The following PPP1R10 variants were observed in gnomAD, a reference collection of about 807,000 sequenced individuals.
The protein encoded by PPP1R10 is serine/threonine-protein phosphatase 1 regulatory subunit 10.
In PPP1R10, 15 loss-of-function variants were observed where a neutral mutation model predicts 99.0. That is an observed-to-expected ratio of 0.15 (90% CI 0.10 to 0.23). The LOEUF (loss-of-function observed/expected upper bound fraction) is 0.23. Ranked by LOEUF, PPP1R10 falls within the 10% of genes least tolerant of loss-of-function variation. The pLI is 1.00. For synonymous variants in PPP1R10, 430 were observed against 449.5 expected (o/e 0.96, Z 0.55); for missense variants, 947 against 1,259.4 (o/e 0.75, Z 3.75).
intron 6 of PPP1R10, among the ~76,000 whole-genome samples, chr6:30,607,315 T>C (rs1330539471): frequency 2.0e-5 from 3 of 152,206 alleles, no homozygotes; most frequent in African/African-American, 7.2e-5. Flanking sequence ...ACCTAATTGT[T>C]ACAACAATCT....
At position 30,606,082 on chromosome 6, in the gene PPP1R10, T is replaced by TG. The variant is rs1353118167; in HGVS notation, c.741-48dup. The stretch of plus-strand genomic sequence containing the variant: ...TCAACATCTCCGACTCACCCCCTCC[T>TG]GCTCCCTTGTGTCCACAGATCCACC... On this transcript the variant is annotated intron_variant, in intron 9 of 19. Transcript: ENST00000376511. The surrounding 1 kb of genome is among the most constrained non-coding windows in gnomAD (Gnocchi z 6.3). 1.2e-6 allele frequency: 2 copies of TG among 1,612,632 alleles called. No homozygotes were observed. Among genetic ancestry groups the TG allele is most frequent in the Admixed American group, 3.3e-5 (2 of 59,996 alleles).
intron 2 of PPP1R10, among the ~76,000 whole-genome samples, chr6:30,610,965 G>C (rs188435937): frequency 2.0e-5 from 3 of 152,308 alleles, no homozygotes; most frequent in African/African-American, 7.2e-5. Flanking sequence ...GATCAATATG[G>C]TTCTGATTGG....
At chr6:30,616,297 A>T (rs1190354605) in intron 2 of PPP1R10, among the ~76,000 whole-genome samples, 181 bp downstream of exon 2, 2 of 152,156 alleles carry the variant, frequency 1.3e-5, no homozygotes, top group African/African-American at 2.4e-5. Context: ...GGTAGGGGAG[A>T]GAGAACAAGA....
chr6:30,603,122 T>C, intron 17 of PPP1R10, 88 bp downstream of exon 17: 1 of 1,490,488 alleles, frequency 6.7e-7, no homozygotes, highest in Non-Finnish European at 9.4e-7. Context: ...CACAGCCCTG[T>C]ATTCTTCTGC....
Position 30,606,191 on chromosome 6 carries a change from T to G in PPP1R10, c.687A>C (p.Thr229=). The G allele has an allele frequency of 6.2e-7, 1 of 1,614,188 alleles. No individual in the cohort carries two copies. ...GGTTGTACTTGTCAGAAACCACCAC[T>G]GTGCTGGCATTCTTCTTCACAGGCA... ...SLVPVKKNAS[T]VVVSDKYNLK... The change falls in exon 9 of 20, where the codon ACA becomes ACC. Residue 229 remains threonine (T), a synonymous_variant. Transcript: ENST00000376511. This position sits in a 1 kb window ranked among gnomAD's most constrained non-coding sequence, Gnocchi z 6.3.
rs2127436618 is a variant in PPP1R10, at chr6:30,602,869, G to A, written c.1934C>T (p.Pro645Leu). ...GGPKGMQHFPPGPGGPMPGPH... is the reference protein window; with the variant it reads ...GGPKGMQHFPLGPGGPMPGPH... ...ACCTGGCATAGGTCCCCCAGGTCCA[G>A]GGGGAAAGTGCTGCATGCCCTTGGG... Residue 645 changes from proline (P) to leucine (L), a missense_variant, in exon 18 of 20, where the codon CCT becomes CTT. Transcript: ENST00000376511. The surrounding 1 kb of genome is among the most constrained non-coding windows in gnomAD (Gnocchi z 6.7). 1 of 1,555,660 alleles carries A rather than the reference G, an allele frequency of 6.4e-7. No homozygotes were observed. The highest frequency in any genetic ancestry group is 8.7e-7 in the Non-Finnish European group (1 of 1,148,754).
intron 2 of PPP1R10, among the ~76,000 whole-genome samples, chr6:30,612,018 A>G (rs779046498): frequency 6.6e-6 from 1 of 152,206 alleles, no homozygotes; most frequent in Non-Finnish European, 1.5e-5. Flanking sequence ...CATAAAACAG[A>G]TATCACATCT....
In PPP1R10 at chr6:30,603,229, G is replaced by A. The variant is rs141893435; in HGVS notation, c.1824C>T (p.Asp608=). Reference sequence around the variant, plus strand: ...GATTACCCAGCATCTGCTTGATCTTGTCCGAATAGTCTGGTTGTTTCAGTA... The same window carrying A: ...GATTACCCAGCATCTGCTTGATCTTATCCGAATAGTCTGGTTGTTTCAGTA... ...EELLKQPDYS[D]KIKQMLVPHG... Residue 608 remains aspartate, a synonymous_variant, in exon 17 of 20, where the codon GAC becomes GAT. Transcript: ENST00000376511. 7.2e-4 allele frequency: 1,155 copies of A among 1,613,668 alleles called. 5 individuals carry two copies. Among genetic ancestry groups the A allele is most frequent in the Middle Eastern group, 5.8e-3 (35 of 6,062 alleles).
intron 6 of PPP1R10, among the ~76,000 whole-genome samples, chr6:30,607,164 A>C (rs1180286729): frequency 6.6e-6 from 1 of 152,226 alleles, no homozygotes; most frequent in Non-Finnish European, 1.5e-5. Context: ...CGTTGGGTGC[A>C]GTGTACACTG....
In PPP1R10 at chr6:30,604,675, C is replaced by G. The variant is rs1326410060; in HGVS notation, c.1015G>C (p.Glu339Gln). ...ATTGCCTCAGAAGGTGGTGCTGGTT[C>G]TGGGGAAGAAGGTTTGGCTGTGCTT... is the stretch of plus-strand genomic sequence containing the variant. ...EPSTAKPSSP[E>Q]PAPPSEAMDA... Residue 339 changes from glutamate (E) to glutamine (Q), a missense_variant, in exon 12 of 20, where the codon GAA becomes CAA. By Grantham distance (29) the Glu-to-Gln change is conservative (BLOSUM62 2). Transcript: ENST00000376511. The surrounding 1 kb of genome is among the most constrained non-coding windows in gnomAD (Gnocchi z 7.3). 1 of 1,613,140 alleles carries G rather than the reference C, an allele frequency of 6.2e-7. No homozygotes were observed. The highest frequency in any genetic ancestry group is 8.5e-7 in the Non-Finnish European group (1 of 1,180,042).
At position 30,603,866 on chromosome 6, in the gene PPP1R10, G is replaced by C. The variant is rs756917957; in HGVS notation, c.1509-23C>G. On this transcript the variant is annotated intron_variant, in intron 14 of 19. Transcript: ENST00000376511. ...GGACTATCAGGAACAACACAGGTGA[G>C]AGAAAAAAGAATGATAGTCAAGTTA... The C allele has an allele frequency of 9.2e-6, 14 of 1,526,110 alleles. No individual in the cohort carries two copies. In the Admixed American group the frequency reaches 1.3e-4, roughly 15 times the overall value. 94.5% of individuals were successfully genotyped at this position (1,526,110 alleles called of 1,614,324 possible). A position where few individuals can be genotyped will look rare whatever the true frequency, so the allele number is the denominator to read the frequency against.
rs909917071 is a variant in PPP1R10, at chr6:30,616,564, G to A, written c.-98C>T. The A allele has an allele frequency of 1.3e-5, 2 of 151,978 alleles. No homozygotes were observed. Among genetic ancestry groups the A allele is most frequent in the African/African-American group, 4.8e-5 (2 of 41,344 alleles). The allele number at this position is 151,978 out of a possible 1,614,324, so 9.4% of individuals were successfully genotyped here. On this transcript the variant is annotated 5_prime_UTR_variant, in exon 2 of 20. Transcript: ENST00000376511. Reference sequence around the variant, plus strand: ...GGAAAAAAAATAAAACAACCAACCAGGACCCAAAACTCAATTATTTAGGGG... The same window carrying A: ...GGAAAAAAAATAAAACAACCAACCAAGACCCAAAACTCAATTATTTAGGGG...
At chr6:30,611,323 CAAAA>C (rs1804530461) in intron 2 of PPP1R10, among the ~76,000 whole-genome samples, 1 of 152,044 alleles carries the variant, frequency 6.6e-6, no homozygotes, top group African/African-American at 2.4e-5. Context: ...AACAAACAAA[CAAAA>C]AACCACCAAA....
At position 30,604,491 on chromosome 6, in the gene PPP1R10, G is replaced by C; in HGVS notation, c.1123C>G (p.Leu375Val). 1 of 1,613,042 alleles carries C rather than the reference G, an allele frequency of 6.2e-7. No homozygotes were observed. The highest frequency in any genetic ancestry group is 1.1e-5 in the South Asian group (1 of 91,082). ...MDTASLEPGALDAKPVESPGD... is the reference protein window; with the variant it reads ...MDTASLEPGAVDAKPVESPGD... ...GGACTCTCCACTGGCTTGGCATCCA[G>C]AGCTCCTGGCTCCAAAGAGGCTGGA... The change falls in exon 13 of 20, where the codon CTG becomes GTG. Residue 375 changes from leucine (L) to valine (V), a missense_variant. Around this residue, in one of 10 missense-constraint regions of PPP1R10, gnomAD observed 100 missense variants for 105.8 expected, o/e 0.94. Transcript: ENST00000376511. This position sits in a 1 kb window ranked among gnomAD's most constrained non-coding sequence, Gnocchi z 7.3.
chr6:30,602,045 T>G lies in PPP1R10; in HGVS notation c.2604A>C (p.Arg868=). The change falls in exon 19 of 20, where the codon CGA becomes CGC. Residue 868 remains arginine (R), a synonymous_variant. Transcript: ENST00000376511. The surrounding 1 kb of genome is among the most constrained non-coding windows in gnomAD (Gnocchi z 6.7). ...GTGGCGGCCCTCGATGGTCATGGCC[T>G]CGGTGACCAGGGACATCATGAGGCC... The part of the protein sequence containing the change: ...GHRPHDVPGH[R]GHDHRGPPPH... The G allele has an allele frequency of 6.4e-7, 1 of 1,556,178 alleles. No individual in the cohort carries two copies.
chr6:30,603,705 G>C, intron 15 of PPP1R10, 39 bp from the exon 16 acceptor site: 1 of 1,558,490 alleles, frequency 6.4e-7, no homozygotes, highest in East Asian at 2.3e-5. Flanking sequence ...TGACAGAACA[G>C]AGACATTCTC....
rs767830134 is a variant in PPP1R10 at position 30,606,153 on chromosome 6, G to T, written c.725C>A (p.Pro242His). 1.2e-5 allele frequency: 20 copies of T among 1,613,946 alleles called. No individual in the cohort carries two copies. The South Asian group carries it at 1.9e-4, about 15-fold the overall frequency. The change falls in exon 9 of 20, where the codon CCC becomes CAC. Residue 242 changes from proline to histidine, a missense_variant. Pro to His is a moderately conservative substitution (Grantham distance 77, BLOSUM62 -2). This residue lies in a region of PPP1R10 where 92 missense variants were observed against 159.2 expected (regional missense o/e 0.58). Transcript: ENST00000376511. This position sits in a 1 kb window ranked among gnomAD's most constrained non-coding sequence, Gnocchi z 6.3. ...TGGTCCATACCTCTGACGTTTGAGG[G>T]GGATGGGTTTAAGGTTGTACTTGTC... ...VSDKYNLKPI[P>H]LKRQSNVAAP...
Position 30,602,910 on chromosome 6 carries a change from T to A in PPP1R10, c.1893A>T (p.Pro631=), listed in dbSNP as rs368947097. 6.5e-7 allele frequency: 1 copy of A among 1,532,356 alleles called. No individual in the cohort carries two copies. The highest frequency in any genetic ancestry group is 1.4e-5 in the African/African-American group (1 of 71,828). 94.9% of individuals were successfully genotyped at this position (1,532,356 alleles called of 1,614,324 possible). Residue 631 remains proline, a synonymous_variant, in exon 18 of 20, where the codon CCA becomes CCT. Coordinates refer to ENST00000376511, the MANE Select transcript of PPP1R10 (RefSeq NM_002714.4). The surrounding 1 kb of genome is among the most constrained non-coding windows in gnomAD (Gnocchi z 6.7). The part of the protein sequence containing the change: ...GPGPIANGFP[P]GGPGGPKGMQ... ...TGCCCTTGGGGCCCCCAGGACCCCC[T>A]GGTGGGAAACCATTGGCTATTGGGC...
chr6:30,602,703 C>G lies in PPP1R10; in HGVS notation c.1958-12G>C, dbSNP rs17189134. On this transcript the variant is annotated splice_polypyrimidine_tract_variant and intron_variant, in intron 18 of 19. Transcript: ENST00000376511. This position sits in a 1 kb window ranked among gnomAD's most constrained non-coding sequence, Gnocchi z 6.7. ...GCCTCCATGGGGACCTGTAAGGGGA[C>G]AAAAAAGAGAGACAGTATCAGCTAC... 34,275 of 1,604,234 alleles carry G rather than the reference C, an allele frequency of 0.021. 719 individuals carry two copies. Among genetic ancestry groups the G allele is most frequent in the African/African-American group, 0.11 (8,031 of 74,862 alleles).
Sources: gnomAD v4.1 joint callset for allele counts (sites outside exome capture counted in the v4.1 genomes callset) on GRCh38, gnomAD v4.1.1 for gene constraint, gnomAD v4.1.1 regional missense constraint, Gnocchi (gnomAD v3.1) non-coding constraint, MANE v1.5 for transcripts, NCBI Gene and HGNC (gene_info 2026-07-23, HGNC 2026-07-21) for gene names.